Variants in ROBO2 observed in about 807,000 individuals in gnomAD.
ROBO2 encodes roundabout homolog 2.
A neutral mutation model predicts 160.8 loss-of-function variants in ROBO2; 53 were observed. That is an observed-to-expected ratio of 0.33 (90% CI 0.26 to 0.41). The LOEUF is 0.41. Ranked by LOEUF, ROBO2 falls within the 10% of genes least tolerant of loss-of-function variation. The pLI is 1.00. For missense variants in ROBO2, 1,577 were observed against 1,722.4 expected (o/e 0.92, Z 1.49); for synonymous variants, 664 against 611.7 (o/e 1.09, Z -1.26).
intron 2 of ROBO2, among the ~76,000 whole-genome samples, chr3:76,294,509 C>G (rs1457214343): frequency 6.6e-6 from 1 of 152,138 alleles, no homozygotes; most frequent in African/African-American, 2.4e-5. Context: ...TAGCCAGATG[C>G]TATTTTCCAT....
chr3:76,448,733 C>T (rs1025081326), intron 2 of ROBO2, among the ~76,000 whole-genome samples: 1 of 152,144 alleles, frequency 6.6e-6, no homozygotes, highest in Non-Finnish European at 1.5e-5. Flanking sequence ...TTACTCTGAA[C>T]CAGACTTTAC....
intron 2 of ROBO2, among the ~76,000 whole-genome samples, chr3:77,474,646 T>C (rs1489857431): frequency 7.4e-6 from 1 of 135,028 alleles, no homozygotes; most frequent in Non-Finnish European, 1.6e-5. Context: ...GGGTAGAGGA[T>C]TTAGGGGGAA....
intron 2 of ROBO2, among the ~76,000 whole-genome samples, chr3:76,464,486 C>G (rs971858567): frequency 4.6e-5 from 7 of 151,890 alleles, no homozygotes; most frequent in Admixed American, 4.0e-4. Flanking sequence ...AAACCACTCT[C>G]TCTCTAGGAA....
rs369471984 is a variant in ROBO2, at chr3:77,446,461, C to T, written c.389-30953C>T. Among the ~76,000 whole-genome samples, 9 of 152,070 alleles carry T rather than the reference C, an allele frequency of 5.9e-5. No individual in the cohort carries two copies. In the East Asian group the frequency reaches 1.7e-3, roughly 29 times the overall value. On this transcript the variant is annotated intron_variant, in intron 2 of 25. Coordinates refer to ENST00000461745, the Ensembl canonical transcript of ROBO2. ...GCAAGTATTAATTTCTCATTGCACC[C>T]AAGTGCAGCTAACAGAAAAAAAGTA...
At chr3:77,410,930 A>C (rs1413013013) in intron 2 of ROBO2, among the ~76,000 whole-genome samples, 1 of 151,848 alleles carries the variant, frequency 6.6e-6, no homozygotes, top group Non-Finnish European at 1.5e-5. Flanking sequence ...CAACCTCCCG[A>C]GTAGCTGGGA....
intron 2 of ROBO2, among the ~76,000 whole-genome samples, chr3:76,084,854 A>T (rs539422575): frequency 6.6e-6 from 1 of 152,182 alleles, no homozygotes; most frequent in African/African-American, 2.4e-5. Context: ...CCTGGACCAC[A>T]TCTTATTCTG....
intron 9 of ROBO2, among the ~76,000 whole-genome samples, chr3:77,558,461 G>C (rs1185028824): frequency 1.3e-5 from 2 of 151,992 alleles, no homozygotes; most frequent in Non-Finnish European, 2.9e-5. Flanking sequence ...TATTGGAAAT[G>C]ACAAAAACAA....
At chr3:76,779,445 C>T (rs1276365788) in intron 2 of ROBO2, among the ~76,000 whole-genome samples, 1 of 150,676 alleles carries the variant, frequency 6.6e-6, no homozygotes, top group Non-Finnish European at 1.5e-5. Context: ...AGTAGTAGAT[C>T]TCAATAACTT....
chr3:77,043,627 T>A (rs145800412), intron 1 of ROBO2, among the ~76,000 whole-genome samples: 87 of 152,304 alleles, frequency 5.7e-4, no homozygotes, highest in African/African-American at 2.0e-3. Context: ...TATGATCATA[T>A]AGGAGAATGT....
At chr3:76,111,237 T>C (rs1167593380) in intron 2 of ROBO2, among the ~76,000 whole-genome samples, 1 of 151,920 alleles carries the variant, frequency 6.6e-6, no homozygotes, top group Non-Finnish European at 1.5e-5. Flanking sequence ...GGGGACGTCA[T>C]GTGAGAACAG....
chr3:75,949,316 T>C (rs1948446753), intron 2 of ROBO2, among the ~76,000 whole-genome samples: 1 of 152,114 alleles, frequency 6.6e-6, no homozygotes, highest in African/African-American at 2.4e-5. Context: ...TTAGAAGTTT[T>C]CTTGTTTTCT....
At chr3:77,423,005 A>C (rs1402856185) in intron 2 of ROBO2, among the ~76,000 whole-genome samples, 1 of 152,156 alleles carries the variant, frequency 6.6e-6, no homozygotes, top group Non-Finnish European at 1.5e-5. Context: ...TATGGCAGTC[A>C]GAGTTATACA....
intron 2 of ROBO2, among the ~76,000 whole-genome samples, chr3:76,183,766 A>C (rs1266898112): frequency 6.6e-6 from 1 of 152,160 alleles, no homozygotes; most frequent in Non-Finnish European, 1.5e-5. Context: ...CATGTTTATA[A>C]GTTGAATTAT....
intron 2 of ROBO2, among the ~76,000 whole-genome samples, chr3:76,898,457 T>C (rs890967440): frequency 2.0e-5 from 3 of 152,116 alleles, no homozygotes; most frequent in Non-Finnish European, 4.4e-5. Context: ...AAAACTTTAA[T>C]ACACATACAC....
chr3:76,498,572 A>C (rs1383368331), intron 2 of ROBO2, among the ~76,000 whole-genome samples: 1 of 151,676 alleles, frequency 6.6e-6, no homozygotes, highest in African/African-American at 2.4e-5. Context: ...GAAATACATA[A>C]TTTTTGTCAA....
At chr3:76,567,763 C>CTGTGTGTG (rs71101900) in intron 2 of ROBO2, among the ~76,000 whole-genome samples, 1,160 of 88,348 alleles carry the variant, frequency 0.013, 22 homozygotes, top group African/African-American at 0.035. Flanking sequence ...ATATATCTGT[C>CTGTGTGTG]TGTGTGTGTG....
intron 5 of ROBO2, among the ~76,000 whole-genome samples, chr3:77,503,560 TA>T (rs1553992009): frequency 6.7e-6 from 1 of 149,266 alleles, no homozygotes; most frequent in African/African-American, 2.5e-5. Flanking sequence ...AATAAATAAA[TA>T]AAATAATAAT....
chr3:77,250,134 A>G (rs1237442403), intron 2 of ROBO2, among the ~76,000 whole-genome samples: 3 of 152,202 alleles, frequency 2.0e-5, no homozygotes, highest in Non-Finnish European at 4.4e-5. Context: ...GCAATTCAGA[A>G]TAACATATTA....
chr3:76,681,625 G>A (rs954466025), intron 2 of ROBO2, among the ~76,000 whole-genome samples: 1 of 152,138 alleles, frequency 6.6e-6, no homozygotes, highest in African/African-American at 2.4e-5. Flanking sequence ...GGTATGGTGT[G>A]GAACAGCATC....
Sources: allele counts gnomAD v4.1 joint callset (sites outside exome capture counted in the v4.1 genomes callset), GRCh38; gene constraint gnomAD v4.1.1; transcripts MANE v1.5; gene names NCBI Gene and HGNC (gene_info 2026-07-23, HGNC 2026-07-21).